The following DCDC2B variants were observed in gnomAD, a reference collection of about 807,000 sequenced individuals.
DCDC2B encodes doublecortin domain-containing protein 2B.
Under a neutral mutation model 38.9 loss-of-function variants are expected in DCDC2B, and 41 were observed. The ratio of observed to expected loss-of-function variants is 1.05; its 90% CI spans 0.82 to 1.37. The LOEUF is 1.37. Ranked by LOEUF, DCDC2B falls within the 40% of genes most tolerant of loss-of-function variation. The pLI is 0.00. For synonymous variants in DCDC2B, 181 were observed against 171.9 expected, an observed-to-expected ratio of 1.05 and a Z score of -0.41; for missense variants, 453 against 427.2, an observed-to-expected ratio of 1.06 and a Z score of -0.53.
chr1:32,211,332 C>T lies in DCDC2B; in HGVS notation c.318+9C>T, dbSNP rs200739008. ...AGAGCTGCAGACTACAAGTGAGTCCCGGGGAACCTGTGCCCCAGCCCCTCT... is the reference window on the plus strand; with the variant it reads ...AGAGCTGCAGACTACAAGTGAGTCCTGGGGAACCTGTGCCCCAGCCCCTCT... On this transcript the variant is annotated intron_variant, in intron 2 of 8. Transcript: ENST00000409358. 1.9e-5 allele frequency: 30 copies of T among 1,613,708 alleles called. No homozygotes were observed. Among genetic ancestry groups the T allele is most frequent in the East Asian group, 1.1e-4 (5 of 44,874 alleles).
chr1:32,214,709 G>T lies in DCDC2B; in HGVS notation c.715-88G>T. On this transcript the variant is annotated intron_variant, in intron 6 of 8. Transcript: ENST00000409358. ...TCTCCTCTGCCATGTTCCTGCAGGC[G>T]TCAGGGGCTCTCTGAAGCCTGAACT... 2 of 1,562,910 alleles carry T rather than the reference G, an allele frequency of 1.3e-6. No individual in the cohort carries two copies. The highest frequency in any genetic ancestry group is 1.7e-6 in the Non-Finnish European group (2 of 1,150,240).
At chr1:32,215,208 A>G in intron 7 of DCDC2B, 1 of 587,988 alleles carries the variant, frequency 1.7e-6, no homozygotes, top group South Asian at 2.5e-5. Flanking sequence ...ATCACATGAA[A>G]AGAAGCACCT....
intron 3 of DCDC2B, 61 bp from the exon 4 acceptor site, chr1:32,212,009 C>A: frequency 2.5e-6 from 4 of 1,582,472 alleles, no homozygotes; most frequent in Non-Finnish European, 3.4e-6. Context: ...CCTGTGCCAC[C>A]CTTCCCCTCA....
intron 4 of DCDC2B, 29 bp from the exon 5 acceptor site, chr1:32,212,461 C>A: frequency 6.2e-7 from 1 of 1,612,186 alleles, no homozygotes. Flanking sequence ...AGTCTACCAG[C>A]CCTTATCCTC....
At chr1:32,210,325 TAAAAAA>T (rs905848009) in intron 1 of DCDC2B, among the ~76,000 whole-genome samples, 1 of 78,746 alleles carries the variant, frequency 1.3e-5, no homozygotes, top group Non-Finnish European at 2.5e-5. Flanking sequence ...AAACTCCATC[TAAAAAA>T]AAAAAAAAAA....
Position 32,209,330 on chromosome 1 carries a change from C to T in DCDC2B, c.237C>T (p.Ala79=), listed in dbSNP as rs755707694. 111 of 1,613,786 alleles carry T rather than the reference C, an allele frequency of 6.9e-5. No individual in the cohort carries two copies. The Admixed American group carries it at 7.2e-4, about 10-fold the overall frequency. The change falls in exon 1 of 9, where the codon GCC becomes GCT. Residue 79 remains alanine, a synonymous_variant. Coordinates refer to ENST00000409358, the MANE Select transcript of DCDC2B (RefSeq NM_001099434.2). ...ADLKNRGQYV[A]AGFERFHKLH... ...TGAAGAACAGAGGGCAGTATGTGGC[C>T]GCTGGATTTGAACGATTCCACAAGC...
chr1:32,209,749 C>G (rs560117877), intron 1 of DCDC2B, among the ~76,000 whole-genome samples: 1 of 152,172 alleles, frequency 6.6e-6, no homozygotes, highest in Non-Finnish European at 1.5e-5. Flanking sequence ...CAGACTCTCC[C>G]GTTAGGCTAG....
chr1:32,211,968 AAG>A (rs1220876191), intron 3 of DCDC2B, 100 bp from the exon 4 acceptor site: 9 of 1,540,576 alleles, frequency 5.8e-6, no homozygotes, highest in African/African-American at 1.4e-5. Flanking sequence ...TTGATGGGTG[AAG>A]AGAGACCAGT....
At chr1:32,214,617 T>C (rs1312016366) in intron 6 of DCDC2B, 180 bp from the exon 7 acceptor site, 3 of 820,140 alleles carry the variant, frequency 3.7e-6, no homozygotes, top group Admixed American at 5.9e-5. Context: ...GCTCTGTCCC[T>C]GGATAAGTCA....
At position 32,215,796 on chromosome 1, in the gene DCDC2B, C is replaced by T. The variant is rs1214203602; in HGVS notation, c.955-6C>T. On this transcript the variant is annotated splice_polypyrimidine_tract_variant and splice_region_variant and intron_variant, in intron 8 of 8. Transcript: ENST00000409358. ...TCCATTCTGTATGGCCTTCCACCTC[C>T]TGCAGAGGGCAGCACAGATAGTGGA... is the stretch of plus-strand genomic sequence containing the variant. The T allele has an allele frequency of 3.9e-6, 6 of 1,549,746 alleles. No homozygotes were observed. The South Asian group carries it at 6.0e-5, about 15-fold the overall frequency.
intron 4 of DCDC2B, 114 bp from the exon 5 acceptor site, chr1:32,212,376 G>C (rs1643623356): frequency 7.8e-6 from 12 of 1,530,962 alleles, no homozygotes; most frequent in Non-Finnish European, 9.8e-6. Flanking sequence ...GTAGAGCCTG[G>C]GTGCCTAGAG....
intron 7 of DCDC2B, 86 bp downstream of exon 7, chr1:32,215,018 T>C (rs537027281): frequency 3.3e-6 from 5 of 1,529,034 alleles, no homozygotes; most frequent in East Asian, 2.3e-5. Flanking sequence ...GGGATGTCCA[T>C]GGGAGCAGAA....
chr1:32,214,840 A>C lies in DCDC2B; in HGVS notation c.758A>C (p.Glu253Ala), dbSNP rs758441385. Residue 253 changes from glutamate (E) to alanine (A), a missense_variant, in exon 7 of 9, where the codon GAA becomes GCA. Coordinates refer to ENST00000409358, the MANE Select transcript of DCDC2B (RefSeq NM_001099434.2). ...RAQVTQPSPKEPDRIKPSAFY... is the reference protein window; with the variant it reads ...RAQVTQPSPKAPDRIKPSAFY... ...CAGGTAACCCAGCCCTCTCCAAAGGAACCAGACCGAATTAAGCCATCTGCT... is the reference window on the plus strand; with the variant it reads ...CAGGTAACCCAGCCCTCTCCAAAGGCACCAGACCGAATTAAGCCATCTGCT... 2 of 1,613,902 alleles carry C rather than the reference A, an allele frequency of 1.2e-6. No individual in the cohort carries two copies. The highest frequency in any genetic ancestry group is 2.2e-5 in the South Asian group (2 of 91,078).
intron 1 of DCDC2B, 77 bp downstream of exon 1, chr1:32,209,436 A>G: frequency 6.4e-7 from 1 of 1,550,560 alleles, no homozygotes; most frequent in Non-Finnish European, 8.7e-7. Context: ...CCTACCATGT[A>G]TGTACCAGCA....
rs766628735 is a variant in DCDC2B, at chr1:32,215,825, G to A, written c.978G>A (p.Glu326=). 22 of 1,552,918 alleles carry A rather than the reference G, an allele frequency of 1.4e-5. No homozygotes were observed. The South Asian group carries it at 2.5e-4, about 18-fold the overall frequency. Residue 326 remains glutamate, a synonymous_variant, in exon 9 of 9, where the codon GAG becomes GAA. Coordinates refer to ENST00000409358, the MANE Select transcript of DCDC2B (RefSeq NM_001099434.2). Reference sequence around the variant, plus strand: ...AGAGGGCAGCACAGATAGTGGAAGAGGCCTTGTCCCTGGAAAACCAGCCTG... The same window carrying A: ...AGAGGGCAGCACAGATAGTGGAAGAAGCCTTGTCCCTGGAAAACCAGCCTG... ...LDQRAAQIVE[E]ALSLENQPGA...
intron 2 of DCDC2B, among the ~76,000 whole-genome samples, chr1:32,211,545 G>GA (rs1466806148): frequency 6.6e-6 from 1 of 152,236 alleles, no homozygotes; most frequent in Non-Finnish European, 1.5e-5. Flanking sequence ...AAAGGAAAGA[G>GA]AAAGATGTGA....
chr1:32,211,090 A>G (rs1643565365), intron 1 of DCDC2B, among the ~76,000 whole-genome samples, 182 bp from the exon 2 acceptor site: 1 of 152,176 alleles, frequency 6.6e-6, no homozygotes, highest in Non-Finnish European at 1.5e-5. Flanking sequence ...ACAGCACTTG[A>G]GCACTCAAGG....
intron 6 of DCDC2B, 35 bp from the exon 7 acceptor site, chr1:32,214,762 G>T: frequency 6.2e-7 from 1 of 1,612,070 alleles, no homozygotes; most frequent in African/African-American, 1.3e-5. Context: ...AGAATGGCCA[G>T]CAATCAGGGT....
In DCDC2B at chr1:32,209,316, G is replaced by A. The variant is rs766785566; in HGVS notation, c.223G>A (p.Gly75Arg). The change falls in exon 1 of 9, where the codon GGG (glycine) becomes AGG (arginine). Residue 75 changes from glycine to arginine, a missense_variant. Transcript: ENST00000409358. Reference sequence around the variant, plus strand: ...CAACCTGGCAGACTTGAAGAACAGAGGGCAGTATGTGGCCGCTGGATTTGA... The same window carrying A: ...CAACCTGGCAGACTTGAAGAACAGAAGGCAGTATGTGGCCGCTGGATTTGA... ...VTNLADLKNR[G>R]QYVAAGFERF... The A allele has an allele frequency of 8.1e-6, 13 of 1,613,870 alleles. No individual in the cohort carries two copies. Among genetic ancestry groups the A allele is most frequent in the African/African-American group, 2.7e-5 (2 of 74,900 alleles).
Sources: allele counts gnomAD v4.1 joint callset (sites outside exome capture counted in the v4.1 genomes callset), GRCh38; gene constraint gnomAD v4.1.1; transcripts MANE v1.5; gene names NCBI Gene and HGNC (gene_info 2026-07-23, HGNC 2026-07-21).